Variants in CDH4 observed in about 807,000 individuals in gnomAD.
CDH4 encodes cadherin-4.
CDH4 carries 33 observed loss-of-function variants against 86.0 expected under a neutral mutation model. The observed-to-expected ratio is 0.38, with a 90% CI of 0.29 to 0.51. CDH4 has a LOEUF of 0.51. Among genes scored for constraint, CDH4 ranks in the 20% least tolerant of loss-of-function variants. The pLI, the probability that CDH4 is intolerant of heterozygous loss-of-function variation, is 0.86. For synonymous variants in CDH4, 555 were observed against 549.4 expected (o/e 1.01, Z -0.14); for missense variants, 1,114 against 1,307.4 (o/e 0.85, Z 2.28).
intron 4 of CDH4, among the ~76,000 whole-genome samples, chr20:61,782,685 TG>T (rs1420338814): frequency 2.0e-5 from 3 of 152,242 alleles, no homozygotes; most frequent in African/African-American, 7.2e-5. Flanking sequence ...AAGGCTGTTT[TG>T]AGGTTCTGAC....
Position 61,937,105 on chromosome 20 carries a change from C to T in CDH4, c.*162C>T. The T allele has an allele frequency of 2.0e-6, 1 of 508,774 alleles. No homozygotes were observed. The highest frequency in any genetic ancestry group is 3.5e-5 in the East Asian group (1 of 28,746). The allele number at this position is 508,774 out of a possible 1,614,324, so 31.5% of individuals were successfully genotyped here. A position where few individuals can be genotyped will look rare whatever the true frequency, so the allele number is the denominator to read the frequency against. ...TTGAGCTGTCTAGCATGAGCACCCA[C>T]CCCCACAGCGCCCTGCACCCGGCCG... On this transcript the variant is annotated 3_prime_UTR_variant, in exon 16 of 16. Coordinates refer to ENST00000614565, the MANE Select transcript of CDH4 (RefSeq NM_001794.5).
intron 2 of CDH4, among the ~76,000 whole-genome samples, chr20:61,342,462 A>G (rs2084654048): frequency 6.6e-6 from 1 of 152,202 alleles, no homozygotes; most frequent in East Asian, 1.9e-4. Context: ...GATCCCTCAC[A>G]TGCACAGTTC....
At chr20:61,650,350 A>T (rs559837669) in intron 2 of CDH4, among the ~76,000 whole-genome samples, 1 of 152,338 alleles carries the variant, frequency 6.6e-6, no homozygotes, top group Non-Finnish European at 1.5e-5. Context: ...GCTGTCTTGC[A>T]CAGAGGCAGC....
chr20:61,805,911 G>A (rs910355442), intron 4 of CDH4, among the ~76,000 whole-genome samples: 3 of 152,200 alleles, frequency 2.0e-5, no homozygotes, highest in African/African-American at 2.4e-5. Flanking sequence ...GTAGGTATAT[G>A]CTCAGGAGAG....
At chr20:61,736,392 A>G (rs1474059720) in intron 2 of CDH4, among the ~76,000 whole-genome samples, 1 of 152,094 alleles carries the variant, frequency 6.6e-6, no homozygotes, top group African/African-American at 2.4e-5. Flanking sequence ...GGGTCCTGTT[A>G]TCAAGGAAGC....
At chr20:61,656,215 AGGCGGGCAGGCGCGTGCTGG>A (rs1400098900) in intron 2 of CDH4, among the ~76,000 whole-genome samples, 3 of 118,274 alleles carry the variant, frequency 2.5e-5, no homozygotes, top group South Asian at 2.9e-4. Context: ...ATGCATGCTG[AGGCGGGCAGGCGCGTGCTGG>A]GGTGGGCAGG....
At chr20:61,266,771 C>T (rs901569469) in intron 2 of CDH4, among the ~76,000 whole-genome samples, 2 of 152,032 alleles carry the variant, frequency 1.3e-5, no homozygotes, top group African/African-American at 4.8e-5. Flanking sequence ...TCGCCAGCCC[C>T]GTGGGTCCTA....
At chr20:61,719,220 T>A in intron 2 of CDH4, 1 of 423,610 alleles carries the variant, frequency 2.4e-6, no homozygotes, top group Non-Finnish European at 4.9e-6. Context: ...GTAGTTTTTG[T>A]TCATTGCTAA....
intron 2 of CDH4, among the ~76,000 whole-genome samples, chr20:61,305,393 C>A (rs146159523): frequency 6.6e-6 from 1 of 152,128 alleles, no homozygotes; most frequent in East Asian, 1.9e-4. Context: ...CTGCTGAATG[C>A]GGATTCCCAC....
intron 2 of CDH4, among the ~76,000 whole-genome samples, chr20:61,274,459 G>A (rs2084213325): frequency 7.0e-6 from 1 of 143,266 alleles, no homozygotes; most frequent in Non-Finnish European, 1.5e-5. Flanking sequence ...GCAGTTTGGG[G>A]GAAGACCATG....
chr20:61,519,850 G>A (rs1246081592), intron 2 of CDH4, among the ~76,000 whole-genome samples: 1 of 152,134 alleles, frequency 6.6e-6, no homozygotes, highest in Non-Finnish European at 1.5e-5. Context: ...ACTTCCTCAG[G>A]GCCCTGACCG....
chr20:61,465,638 T>C (rs752877657), intron 2 of CDH4, among the ~76,000 whole-genome samples: 6 of 152,306 alleles, frequency 3.9e-5, no homozygotes, highest in Non-Finnish European at 8.8e-5. Context: ...TTGTCAGTAA[T>C]GAAGGTAAAT....
intron 2 of CDH4, among the ~76,000 whole-genome samples, chr20:61,278,953 G>A (rs968880686): frequency 6.6e-6 from 1 of 152,244 alleles, no homozygotes; most frequent in Non-Finnish European, 1.5e-5. Context: ...CCATAGCAGG[G>A]TTCATTATGA....
chr20:61,929,034 A>G (rs1003163044), intron 12 of CDH4, among the ~76,000 whole-genome samples: 1 of 152,174 alleles, frequency 6.6e-6, no homozygotes, highest in Admixed American at 6.6e-5. Flanking sequence ...TGTCTGTTCA[A>G]TGACTTTGCC....
Position 61,504,016 on chromosome 20 carries a change from C to A in CDH4, c.170-239547C>A, listed in dbSNP as rs78381875. Among the ~76,000 whole-genome samples, 284 of 152,318 alleles carry A rather than the reference C, an allele frequency of 1.9e-3. 2 individuals carry two copies. The highest frequency in any genetic ancestry group is 6.4e-3 in the African/African-American group (268 of 41,576). On this transcript the variant is annotated intron_variant, in intron 2 of 15. Transcript: ENST00000614565. Reference sequence around the variant, plus strand: ...TAGGGGCCAGAGATACGCCCCCATCCCACTCGCCATCCCTAGACCACAGCA... The same window carrying A: ...TAGGGGCCAGAGATACGCCCCCATCACACTCGCCATCCCTAGACCACAGCA...
intron 2 of CDH4, among the ~76,000 whole-genome samples, chr20:61,558,084 A>T (rs2086190633): frequency 6.6e-6 from 1 of 152,178 alleles, no homozygotes; most frequent in Admixed American, 6.5e-5. Flanking sequence ...CACTTTCATT[A>T]AATTCTGAAC....
chr20:61,837,671 G>A lies in CDH4; in HGVS notation c.577-6997G>A, dbSNP rs556929495. Among the ~76,000 whole-genome samples the A allele has an allele frequency of 2.6e-5, 4 of 152,250 alleles. 1 individual carries two copies. The South Asian group carries it at 6.2e-4, about 24-fold the overall frequency. ...GTGAGGACACACAAGGCTGGGAACT[G>A]TGATTCCCAGGGACAGACACAGTGA... On this transcript the variant is annotated intron_variant, in intron 4 of 15. Coordinates refer to ENST00000614565, the MANE Select transcript of CDH4 (RefSeq NM_001794.5).
Position 61,830,172 on chromosome 20 carries a change from T to C in CDH4, c.577-14496T>C, listed in dbSNP as rs1981530646. ...CTCCTTGGAGCCCCCCGCCCCCAGG[T>C]GAAATTGAGCATGCCTCCTGTTCTC... On this transcript the variant is annotated intron_variant, in intron 4 of 15. Transcript: ENST00000614565. Among the ~76,000 whole-genome samples, 3 of 132,442 alleles carry C rather than the reference T, an allele frequency of 2.3e-5. No homozygotes were observed. The Admixed American group carries it at 2.5e-4, about 11-fold the overall frequency. The allele number at this position is 132,442 out of a possible 152,430, so 86.9% of individuals were successfully genotyped here. A position where few individuals can be genotyped will look rare whatever the true frequency, so the allele number is the denominator to read the frequency against.
At chr20:61,621,204 A>G (rs928275555) in intron 2 of CDH4, among the ~76,000 whole-genome samples, 18 of 152,190 alleles carry the variant, frequency 1.2e-4, no homozygotes, top group East Asian at 1.9e-4. Context: ...AAAGTCTCCA[A>G]TGGACCGCGG....
Sources: gnomAD v4.1 joint callset for allele counts (sites outside exome capture counted in the v4.1 genomes callset) on GRCh38, gnomAD v4.1.1 for gene constraint, MANE v1.5 for transcripts, NCBI Gene and HGNC (gene_info 2026-07-23, HGNC 2026-07-21) for gene names.